Variants in CBX5 observed in about 807,000 individuals in gnomAD.
CBX5 encodes chromobox protein homolog 5.
A neutral mutation model predicts 20.7 loss-of-function variants in CBX5; 7 were observed. That is an observed-to-expected ratio of 0.34 (90% confidence interval 0.19 to 0.63). The LOEUF (loss-of-function observed/expected upper bound fraction) is 0.63, where lower values mean the gene tolerates loss of function less well. CBX5 is among the 30% of genes least tolerant of loss of function. The pLI, the probability that CBX5 is intolerant of heterozygous loss-of-function variation, is 0.75. For missense variants in CBX5, 110 were observed against 224.1 expected, an observed-to-expected ratio of 0.49 and a Z score of 3.25; for synonymous variants, 78 against 77.0, an observed-to-expected ratio of 1.01 and a Z score of -0.07.
chr12:54,279,044 G>T (rs1194320259), intron 1 of CBX5: 1 of 152,128 alleles, frequency 6.6e-6, no homozygotes, highest in Non-Finnish European at 1.5e-5. Flanking sequence ...TATTAACCTT[G>T]CAAAGTTTTA....
At chr12:54,251,062 T>G (rs1592157089) in intron 3 of CBX5, among the ~76,000 whole-genome samples, 1 of 146,726 alleles carries the variant, frequency 6.8e-6, no homozygotes, top group South Asian at 2.2e-4. Context: ...ACACAGGAGG[T>G]GGAAGTTCCA....
chr12:54,237,103 T>C lies in CBX5; in HGVS notation c.*4652A>G, dbSNP rs2137005599. ...GGACAGTCAAGGACCATCTAGACTT[T>C]TAATTGTTAGAAGCACCACAGGTCC... On this transcript the variant is annotated 3_prime_UTR_variant, in exon 5 of 5. Transcript: ENST00000209875. 6.6e-6 allele frequency: 1 copy of C among 152,238 alleles called. No individual in the cohort carries two copies. Among genetic ancestry groups the C allele is most frequent in the African/African-American group, 2.4e-5 (1 of 41,550 alleles). The allele number at this position is 152,238 out of a possible 1,614,324, so 9.4% of individuals were successfully genotyped here.
chr12:54,270,947 T>C (rs571558923), intron 1 of CBX5, among the ~76,000 whole-genome samples: 7 of 152,140 alleles, frequency 4.6e-5, no homozygotes, highest in African/African-American at 1.4e-4. Context: ...GGTCCCAGCT[T>C]TTCAGAAGGC....
intron 1 of CBX5, among the ~76,000 whole-genome samples, chr12:54,264,424 T>C (rs1295707231): frequency 6.6e-6 from 1 of 152,232 alleles, no homozygotes; most frequent in Non-Finnish European, 1.5e-5. Flanking sequence ...CACAAAGCAG[T>C]CACTACTTCT....
At chr12:54,264,465 T>C (rs895028809) in intron 1 of CBX5, among the ~76,000 whole-genome samples, 1 of 152,228 alleles carries the variant, frequency 6.6e-6, no homozygotes, top group African/African-American at 2.4e-5. Context: ...TTTCTTATCT[T>C]GTTATAGTCA....
At chr12:54,248,546 TACTGA>T (rs1281026829) in intron 3 of CBX5, among the ~76,000 whole-genome samples, 1 of 152,186 alleles carries the variant, frequency 6.6e-6, no homozygotes, top group Non-Finnish European at 1.5e-5. Flanking sequence ...CAATGAGAGA[TACTGA>T]CTTTTAAAAA....
rs1943873932 is a variant in CBX5, at chr12:54,257,597, C to T, written c.54G>A (p.Glu18=). The part of the protein sequence containing the change: ...TADSSSSEDE[E]EYVVEKVLDR... ...CTAGCACCTTCTCCACAACATACTC[C>T]TCCTCATCCTCTGAAGAAGAACTGT... Residue 18 remains glutamate, a synonymous_variant, in exon 2 of 5, where the codon GAG becomes GAA. Coordinates refer to ENST00000209875, the MANE Select transcript of CBX5 (RefSeq NM_012117.3). 1 of 1,614,196 alleles carries T rather than the reference C, an allele frequency of 6.2e-7. No individual in the cohort carries two copies. The highest frequency in any genetic ancestry group is 8.5e-7 in the Non-Finnish European group (1 of 1,180,006).
intron 1 of CBX5, among the ~76,000 whole-genome samples, chr12:54,276,367 G>A (rs1944068033): frequency 6.6e-6 from 1 of 152,128 alleles, no homozygotes; most frequent in Non-Finnish European, 1.5e-5. Context: ...CCTACTGTTG[G>A]ACAAAATCAC....
At chr12:54,250,823 A>G (rs1943791201) in intron 3 of CBX5, among the ~76,000 whole-genome samples, 1 of 132,678 alleles carries the variant, frequency 7.5e-6, no homozygotes, top group Non-Finnish European at 1.6e-5. Flanking sequence ...AAAAAAAAAA[A>G]AAAAAAAAAA....
intron 1 of CBX5, chr12:54,273,677 T>C (rs932286444): frequency 6.6e-6 from 1 of 152,114 alleles, no homozygotes; most frequent in Non-Finnish European, 1.5e-5. Flanking sequence ...AACAGAGAGA[T>C]ATGCCAAGGA....
chr12:54,271,305 T>C lies in CBX5; in HGVS notation c.-43+8703A>G, dbSNP rs371966173. On this transcript the variant is annotated intron_variant, in intron 1 of 4. Coordinates refer to ENST00000209875, the MANE Select transcript of CBX5 (RefSeq NM_012117.3). ...GAGGCACTGAAATTTCCAAATATAA[T>C]TGCAGATGTCTGTTATTTCCTTTTT... Among the ~76,000 whole-genome samples, 27 of 152,268 alleles carry C rather than the reference T, an allele frequency of 1.8e-4. 1 individual carries two copies. The highest frequency in any genetic ancestry group is 6.0e-4 in the African/African-American group (25 of 41,570).
At chr12:54,267,788 G>A (rs1486744981) in intron 1 of CBX5, among the ~76,000 whole-genome samples, 1 of 152,146 alleles carries the variant, frequency 6.6e-6, no homozygotes, top group Non-Finnish European at 1.5e-5. Flanking sequence ...CCAAAGTGCT[G>A]GGATTACAGG....
Position 54,241,807 on chromosome 12 carries a change from T to C in CBX5, c.524A>G (p.His175Arg), listed in dbSNP as rs2137009103. Residue 175 changes from histidine to arginine, a missense_variant, in exon 5 of 5, where the codon CAT becomes CGT. His to Arg is a conservative substitution (Grantham distance 29). Around this residue, in one of 3 missense-constraint regions of CBX5, gnomAD observed 31 missense variants for 84.9 expected, o/e 0.37. Transcript: ENST00000209875. ...GTTTTCCGCATCCTCAGGATATGCA[T>C]GCCATGTCAGTCTCTCTTCATAAAA... ...IAFYEERLTWHAYPEDAENKE... is the reference protein window; with the variant it reads ...IAFYEERLTWRAYPEDAENKE... 5 of 1,613,718 alleles carry C rather than the reference T, an allele frequency of 3.1e-6. No homozygotes were observed. Among genetic ancestry groups the C allele is most frequent in the Non-Finnish European group, 4.2e-6 (5 of 1,179,942 alleles).
At chr12:54,275,684 G>C (rs1944057369) in intron 1 of CBX5, among the ~76,000 whole-genome samples, 1 of 151,994 alleles carries the variant, frequency 6.6e-6, no homozygotes, top group Non-Finnish European at 1.5e-5. Context: ...TTCACCACCA[G>C]AGAGAAAAGT....
At chr12:54,254,093 T>TA (rs1194100591) in intron 2 of CBX5, among the ~76,000 whole-genome samples, 2 of 152,052 alleles carry the variant, frequency 1.3e-5, no homozygotes, top group Non-Finnish European at 2.9e-5. Flanking sequence ...GGTGTTTAAA[T>TA]AATACCTCGA....
At chr12:54,277,022 G>C (rs911040915) in intron 1 of CBX5, 8 of 152,118 alleles carry the variant, frequency 5.3e-5, no homozygotes, top group African/African-American at 1.9e-4. Context: ...AGTTTAAGCA[G>C]CAAAAAGTGG....
intron 1 of CBX5, among the ~76,000 whole-genome samples, chr12:54,275,953 G>C (rs376122813): frequency 7.3e-6 from 1 of 137,402 alleles, no homozygotes; most frequent in African/African-American, 2.8e-5. Flanking sequence ...TCGTGCCACC[G>C]CACTCCAGAC....
intron 2 of CBX5, among the ~76,000 whole-genome samples, chr12:54,256,608 G>A (rs1337682672): frequency 6.6e-6 from 1 of 152,088 alleles, no homozygotes; most frequent in African/African-American, 2.4e-5. Context: ...AATGCAGCTA[G>A]TTTGAATGGA....
chr12:54,235,563 G>A lies in CBX5; in HGVS notation c.*6192C>T, dbSNP rs1054129731. On this transcript the variant is annotated 3_prime_UTR_variant, in exon 5 of 5. Transcript: ENST00000209875. ...CGGGAGGTGGAGCTTGCAGTGAGCC[G>A]AGATTGCGCCACTGCACTCCAGCCT... The A allele has an allele frequency of 6.6e-6, 1 of 151,874 alleles. No individual in the cohort carries two copies. The highest frequency in any genetic ancestry group is 1.5e-5 in the Non-Finnish European group (1 of 68,020). The allele number at this position is 151,874 out of a possible 1,614,324, so 9.4% of individuals were successfully genotyped here.
Sources: allele counts gnomAD v4.1 joint callset (sites outside exome capture counted in the v4.1 genomes callset), GRCh38; gene constraint gnomAD v4.1.1; regional missense constraint gnomAD v4.1.1; transcripts MANE v1.5; gene names NCBI Gene and HGNC (gene_info 2026-07-23, HGNC 2026-07-21).